ABLIM2: variants seen among roughly 807,000 people sequenced by gnomAD.
The protein encoded by ABLIM2 is actin-binding LIM protein 2.
Under a neutral mutation model 97.7 loss-of-function variants are expected in ABLIM2, and 53 were observed. The ratio of observed to expected loss-of-function variants is 0.54; its 90% CI spans 0.44 to 0.68. The LOEUF (loss-of-function observed/expected upper bound fraction) is 0.68, where lower values mean the gene tolerates loss of function less well. Ranked by LOEUF, ABLIM2 falls within the 30% of genes least tolerant of loss-of-function variation. The pLI is 0.00. For missense variants in ABLIM2, 835 were observed against 867.2 expected (o/e 0.96, Z 0.47); for synonymous variants, 361 against 345.8 (o/e 1.04, Z -0.49).
At chr4:8,156,224 T>A (rs1275646898) in intron 1 of ABLIM2, among the ~76,000 whole-genome samples, 4 of 107,476 alleles carry the variant, frequency 3.7e-5, no homozygotes, top group Admixed American at 3.1e-4. Flanking sequence ...GGTACCTTCC[T>A]CAACCCCACC....
intron 1 of ABLIM2, among the ~76,000 whole-genome samples, chr4:8,110,986 G>C (rs531778486): frequency 1.3e-5 from 2 of 152,334 alleles, no homozygotes; most frequent in East Asian, 1.9e-4. Flanking sequence ...GGACGGCTAG[G>C]GGGGCAACAG....
rs1305846498 is a variant in ABLIM2, at chr4:8,079,763, T to TGC, written c.581+912_581+913insGC. 3.3e-5 allele frequency among the ~76,000 whole-genome samples: 4 copies of TGC among 122,420 alleles called. No homozygotes were observed. In the East Asian group the frequency reaches 8.6e-4, roughly 26 times the overall value. The allele number at this position is 122,420 out of a possible 152,430, so 80.3% of individuals were successfully genotyped here. ...ATGTGCATGCATATGCGTGCGTGCG[T>TGC]GTGTGTGTGTGTGCGCGCGCCTCAC... On this transcript the variant is annotated intron_variant, in intron 5 of 20. Transcript: ENST00000447017.
In ABLIM2 at chr4:8,087,216, T is replaced by C. The variant is rs140425719; in HGVS notation, c.454+953A>G. Among the ~76,000 whole-genome samples the C allele has an allele frequency of 2.9e-4, 44 of 152,256 alleles. No individual in the cohort carries two copies. In the East Asian group the frequency reaches 8.3e-3, roughly 29 times the overall value. ...GCTCAGAGTGGGCTTCTGCACCAGG[T>C]GCCTGGCAGCGGCGGGGCCTGGTTT... On this transcript the variant is annotated intron_variant, in intron 4 of 20. Transcript: ENST00000447017. This position sits in a 1 kb window ranked among gnomAD's most constrained non-coding sequence, Gnocchi z 4.6.
chr4:8,141,039 G>T (rs573967436), intron 1 of ABLIM2, among the ~76,000 whole-genome samples: 5 of 152,072 alleles, frequency 3.3e-5, no homozygotes, highest in Non-Finnish European at 7.4e-5. Flanking sequence ...CCCCTGAGCT[G>T]CCCTTGCCTT....
rs1423138871 is a variant in ABLIM2 at position 8,112,704 on chromosome 4, G to A, written c.11-6067C>T. 2.6e-5 allele frequency among the ~76,000 whole-genome samples: 4 copies of A among 152,122 alleles called. No individual in the cohort carries two copies. Among genetic ancestry groups the A allele is most frequent in the African/African-American group, 7.2e-5 (3 of 41,412 alleles). ...CACAACAGCCACGGTCCCAGCCCTC[G>A]ACATTCTCTTGTTTGTTCCATACCA... On this transcript the variant is annotated intron_variant, in intron 1 of 20. Transcript: ENST00000447017. The surrounding 1 kb of genome is among the most constrained non-coding windows in gnomAD (Gnocchi z 4.2).
In ABLIM2 at chr4:8,143,414, G is replaced by A. The variant is rs114534489; in HGVS notation, c.10+15266C>T. ...GTGCACAAAAGGCAGATAGCACTGT[G>A]GAGCCCTGCACCCTGCACCCTACCC... On this transcript the variant is annotated intron_variant, in intron 1 of 20. Transcript: ENST00000447017. Among the ~76,000 whole-genome samples the A allele has an allele frequency of 6.7e-3, 1,018 of 152,232 alleles. 16 individuals carry two copies. Among genetic ancestry groups the A allele is most frequent in the African/African-American group, 0.023 (974 of 41,536 alleles).
intron 2 of ABLIM2, among the ~76,000 whole-genome samples, chr4:8,102,462 A>G (rs1247633590): frequency 6.6e-6 from 1 of 152,228 alleles, no homozygotes; most frequent in Non-Finnish European, 1.5e-5. Context: ...CCCCATCCCC[A>G]TAACGGGATG....
Position 8,155,908 on chromosome 4 carries a change from G to A in ABLIM2, c.10+2772C>T, listed in dbSNP as rs1292563710. Among the ~76,000 whole-genome samples, 1 of 152,174 alleles carries A rather than the reference G, an allele frequency of 6.6e-6. No individual in the cohort carries two copies. The highest frequency in any genetic ancestry group is 1.9e-4 in the East Asian group (1 of 5,194). On this transcript the variant is annotated intron_variant, in intron 1 of 20. Transcript: ENST00000447017. This position sits in a 1 kb window ranked among gnomAD's most constrained non-coding sequence, Gnocchi z 4.2. Reference sequence around the variant, plus strand: ...AGAGGGCGGCCGTCCACAAGCCAAGGAGAGGGGCTTTGGAAGGAAGTAACC... The same window carrying A: ...AGAGGGCGGCCGTCCACAAGCCAAGAAGAGGGGCTTTGGAAGGAAGTAACC...
chr4:7,990,079 C>T (rs1450765703), intron 17 of ABLIM2, among the ~76,000 whole-genome samples: 2 of 152,160 alleles, frequency 1.3e-5, no homozygotes, highest in East Asian at 1.9e-4. Flanking sequence ...AAGCCTTTGC[C>T]TCCCATGATG....
chr4:8,057,776 C>T (rs557346366), intron 7 of ABLIM2, among the ~76,000 whole-genome samples: 1 of 152,196 alleles, frequency 6.6e-6, no homozygotes, highest in Non-Finnish European at 1.5e-5. Flanking sequence ...CCCAGGAGAC[C>T]GTGGGGGTCG....
intron 2 of ABLIM2, among the ~76,000 whole-genome samples, 184 bp downstream of exon 2, chr4:8,106,310 A>G (rs1455121045): frequency 2.0e-5 from 3 of 152,186 alleles, no homozygotes; most frequent in Admixed American, 6.5e-5. Flanking sequence ...TGATTTCTCC[A>G]TCACATCCAC....
rs117354412 is a variant in ABLIM2, at chr4:8,008,327, A to G, written c.1477-127T>C. ...GCTGACCCCACTGTGAGAAAACTCA[A>G]TATGTGAGAGATGCAGCTTTCAATA... is the stretch of plus-strand genomic sequence containing the variant. On this transcript the variant is annotated intron_variant, in intron 15 of 20. Coordinates refer to ENST00000447017, the MANE Select transcript of ABLIM2 (RefSeq NM_001130083.2). 5.6e-5 allele frequency: 49 copies of G among 871,150 alleles called. No individual in the cohort carries two copies. The East Asian group carries it at 1.0e-3, about 18-fold the overall frequency. The allele number at this position is 871,150 out of a possible 1,614,324, so 54.0% of individuals were successfully genotyped here.
intron 20 of ABLIM2, among the ~76,000 whole-genome samples, chr4:7,974,111 T>C (rs1730590795): frequency 6.6e-6 from 1 of 152,200 alleles, no homozygotes; most frequent in Non-Finnish European, 1.5e-5. Context: ...GCCTGCACAA[T>C]TGTGTGGGCC....
intron 3 of ABLIM2, among the ~76,000 whole-genome samples, chr4:8,090,507 A>T (rs1228010098): frequency 6.6e-6 from 1 of 152,118 alleles, no homozygotes; most frequent in Non-Finnish European, 1.5e-5. Context: ...TTATTGAGGT[A>T]CCTTGTGACA....
At position 8,061,284 on chromosome 4, in the gene ABLIM2, TGCCCAGCCTGCAGGA is replaced by T. The variant is rs1189863886; in HGVS notation, c.676-245_676-231del. 2.0e-5 allele frequency among the ~76,000 whole-genome samples: 3 copies of T among 152,096 alleles called. No individual in the cohort carries two copies. The highest frequency in any genetic ancestry group is 4.4e-5 in the Non-Finnish European group (3 of 67,994). On this transcript the variant is annotated intron_variant, in intron 6 of 20. Transcript: ENST00000447017. The surrounding 1 kb of genome is among the most constrained non-coding windows in gnomAD (Gnocchi z 4.5). ...AGGCAGGGGGAGACCTGGCTGCACT[TGCCCAGCCTGCAGGA>T]GCCCAGCATGCAGCTCCCTGCCGGG...
At chr4:8,091,295 A>G (rs1323744055) in intron 3 of ABLIM2, among the ~76,000 whole-genome samples, 1 of 56,470 alleles carries the variant, frequency 1.8e-5, no homozygotes, top group South Asian at 4.2e-4. Context: ...ATATAATATT[A>G]TATATTATAT....
Position 7,992,850 on chromosome 4 carries a change from A to G in ABLIM2, c.1680+16T>C. 6.2e-7 allele frequency: 1 copy of G among 1,610,894 alleles called. No individual in the cohort carries two copies. The highest frequency in any genetic ancestry group is 8.5e-7 in the Non-Finnish European group (1 of 1,178,626). ...AATCGTTAGTACCCTGTGGCCAGGG[A>G]GGGGTCAGTACCTACCCGCTGGTCC... is the stretch of plus-strand genomic sequence containing the variant. On this transcript the variant is annotated intron_variant, in intron 17 of 20. Transcript: ENST00000447017. The surrounding 1 kb of genome is among the most constrained non-coding windows in gnomAD (Gnocchi z 5.7).
intron 12 of ABLIM2, among the ~76,000 whole-genome samples, chr4:8,024,498 C>T (rs549133067): frequency 6.6e-5 from 10 of 152,262 alleles, no homozygotes; most frequent in African/African-American, 1.9e-4. Context: ...GCCAGAGACG[C>T]CAGAGGAGCC....
At chr4:8,009,294 G>A (rs1385569312) in intron 14 of ABLIM2, among the ~76,000 whole-genome samples, 192 bp from the exon 15 acceptor site, 1 of 152,234 alleles carries the variant, frequency 6.6e-6, no homozygotes, top group Non-Finnish European at 1.5e-5. Flanking sequence ...GACCCAGGGA[G>A]CATCAGCAGC....
Sources: allele counts gnomAD v4.1 joint callset (sites outside exome capture counted in the v4.1 genomes callset), GRCh38; gene constraint gnomAD v4.1.1; non-coding constraint Gnocchi (gnomAD v3.1); transcripts MANE v1.5; gene names NCBI Gene and HGNC (gene_info 2026-07-23, HGNC 2026-07-21).